TEX9: variants seen among roughly 807,000 people sequenced by gnomAD.
TEX9 encodes the protein testis expressed 9, also known as testis-expressed protein 9.
In TEX9, 74 loss-of-function variants were observed where a neutral mutation model predicts 59.6. That is an observed-to-expected ratio of 1.24 (90% CI 1.03 to 1.51). TEX9 has a LOEUF of 1.51. Among genes scored for constraint, TEX9 ranks in the 40% most tolerant of loss-of-function variants. The pLI is 0.00. For missense variants in TEX9, 522 were observed against 447.8 expected, an observed-to-expected ratio of 1.17 and a Z score of -1.49; for synonymous variants, 186 against 152.2, an observed-to-expected ratio of 1.22 and a Z score of -1.64.
At chr15:56,371,846 T>A (rs2047205705) in intron 2 of TEX9, among the ~76,000 whole-genome samples, 1 of 152,234 alleles carries the variant, frequency 6.6e-6, no homozygotes, top group South Asian at 2.1e-4. Context: ...TTTCTACCTG[T>A]GGTTCTAGTT....
In TEX9 at chr15:56,246,313, G is replaced by A. The variant is rs376620374; in HGVS notation, c.-107+2035G>A. Among the ~76,000 whole-genome samples, 4 of 152,290 alleles carry A rather than the reference G, an allele frequency of 2.6e-5. 1 individual carries two copies. Among genetic ancestry groups the A allele is most frequent in the Admixed American group, 6.5e-5 (1 of 15,292 alleles). On this transcript the variant is annotated intron_variant, in intron 1 of 5. Transcript: ENST00000560827. ...GAGTTGAAGGAGACCAGCAATGGGA[G>A]GGGTGGCAGAGAGTATCAGACTGAG...
At chr15:56,282,806 G>A (rs2044848380) in intron 1 of TEX9, among the ~76,000 whole-genome samples, 1 of 152,048 alleles carries the variant, frequency 6.6e-6, no homozygotes, top group Non-Finnish European at 1.5e-5. Context: ...TGCAAAGTGA[G>A]GGAAATTCAA....
intron 12 of TEX9, chr15:56,428,639 G>A (rs28622888): frequency 0.35 from 164,545 of 464,624 alleles, 30,466 homozygotes; most frequent in Middle Eastern, 0.46. Context: ...AGTTCTTAGC[G>A]TGACAATTAA....
At chr15:56,383,816 T>A in intron 3 of TEX9, 136 bp from the exon 4 acceptor site, 1 of 573,458 alleles carries the variant, frequency 1.7e-6, no homozygotes, top group Non-Finnish European at 3.1e-6. Flanking sequence ...ACTATAGCAT[T>A]TAGAATTCCG....
chr15:56,438,020 C>T (rs1359738455), intron 12 of TEX9, among the ~76,000 whole-genome samples: 2 of 152,042 alleles, frequency 1.3e-5, no homozygotes, highest in African/African-American at 2.4e-5. Context: ...GAATCAATAT[C>T]GTGAAAATGG....
intron 1 of TEX9, among the ~76,000 whole-genome samples, chr15:56,273,654 T>C (rs1488294538): frequency 6.6e-6 from 1 of 152,260 alleles, no homozygotes; most frequent in Non-Finnish European, 1.5e-5. Context: ...TGTTTATTTT[T>C]GTCTGAAAGT....
chr15:56,358,126 C>T (rs1186773642), intron 1 of TEX9, among the ~76,000 whole-genome samples: 1 of 152,162 alleles, frequency 6.6e-6, no homozygotes, highest in Non-Finnish European at 1.5e-5. Context: ...GCACAGAGGT[C>T]TCAGATTCAG....
At chr15:56,288,943 G>A (rs758866475) in intron 1 of TEX9, among the ~76,000 whole-genome samples, 1 of 151,780 alleles carries the variant, frequency 6.6e-6, no homozygotes, top group Non-Finnish European at 1.5e-5. Context: ...CCCCCTTAGT[G>A]CATATTTTCA....
the TEX9 span, among the ~76,000 whole-genome samples, chr15:56,452,426 C>G: frequency 6.6e-6 from 1 of 152,220 alleles, no homozygotes; most frequent in South Asian, 2.1e-4. Context: ...GGGGTGGTAA[C>G]TTAGGCACCC....
intron 10 of TEX9, among the ~76,000 whole-genome samples, chr15:56,414,401 C>A (rs1203907484): frequency 6.6e-6 from 1 of 151,488 alleles, no homozygotes; most frequent in African/African-American, 2.4e-5. Flanking sequence ...TTCCACCTTC[C>A]CCACTTCAAG....
intron 1 of TEX9, among the ~76,000 whole-genome samples, chr15:56,286,994 A>G (rs1023998882): frequency 1.3e-5 from 2 of 152,156 alleles, no homozygotes; most frequent in Non-Finnish European, 2.9e-5. Flanking sequence ...GGGAAATCCA[A>G]TTTGAACAGA....
rs561619928 is a variant in TEX9, at chr15:56,248,103, A to G, written c.-107+3825A>G. Among the ~76,000 whole-genome samples the G allele has an allele frequency of 7.9e-5, 12 of 152,310 alleles. No individual in the cohort carries two copies. The East Asian group carries it at 2.3e-3, about 29-fold the overall frequency. On this transcript the variant is annotated intron_variant, in intron 1 of 5. Coordinates refer to the TEX9 transcript ENST00000560827. ...ATATATATATAAGTTTCAATGCTGT[A>G]ATGTGATTGAGCTTTCTTTCAGTCT...
intron 1 of TEX9, among the ~76,000 whole-genome samples, chr15:56,358,597 A>G (rs774013983): frequency 1.3e-5 from 2 of 152,194 alleles, no homozygotes; most frequent in Non-Finnish European, 2.9e-5. Context: ...CATTACTGAT[A>G]CATTAACTGA....
chr15:56,315,499 A>G (rs1326756775), intron 1 of TEX9, among the ~76,000 whole-genome samples: 1 of 150,310 alleles, frequency 6.7e-6, no homozygotes, highest in Non-Finnish European at 1.5e-5. Flanking sequence ...TCTGGCTTGT[A>G]GGGTTTCTGC....
intron 3 of TEX9, among the ~76,000 whole-genome samples, chr15:56,377,152 C>T (rs539899330): frequency 4.6e-5 from 7 of 152,278 alleles, no homozygotes; most frequent in African/African-American, 1.7e-4. Context: ...GTTTTGGTTA[C>T]TATAGCACCA....
intron 9 of TEX9, among the ~76,000 whole-genome samples, chr15:56,407,993 C>A (rs970534329): frequency 6.6e-6 from 1 of 152,174 alleles, no homozygotes; most frequent in Non-Finnish European, 1.5e-5. Context: ...CTTCCTCTTG[C>A]AAAATCAAAT....
intron 6 of TEX9, among the ~76,000 whole-genome samples, chr15:56,389,767 G>A (rs544079689): frequency 6.6e-6 from 1 of 151,728 alleles, no homozygotes; most frequent in Non-Finnish European, 1.5e-5. Flanking sequence ...TTGACAAAAT[G>A]CATATATTAT....
rs201623840 is a variant in TEX9 at position 56,283,816 on chromosome 15, A to G, written c.-107+39538A>G. ...CATAAACCTGGAAGAAAAAAAAATC[A>G]CAATTAATTTGGTAACGCTGATATA... On this transcript the variant is annotated intron_variant, in intron 1 of 5. Coordinates refer to the TEX9 transcript ENST00000560827. Among the ~76,000 whole-genome samples the G allele has an allele frequency of 2.0e-5, 3 of 152,292 alleles. No homozygotes were observed. The East Asian group carries it at 5.8e-4, about 29-fold the overall frequency.
chr15:56,347,042 A>T (rs773819272), intron 1 of TEX9, among the ~76,000 whole-genome samples: 1 of 152,220 alleles, frequency 6.6e-6, no homozygotes, highest in African/African-American at 2.4e-5. Context: ...TAGGACTTGT[A>T]TGGTGAAATC....
Sources: allele counts gnomAD v4.1 joint callset (sites outside exome capture counted in the v4.1 genomes callset), GRCh38; gene constraint gnomAD v4.1.1; transcripts MANE v1.5; gene names NCBI Gene and HGNC (gene_info 2026-07-23, HGNC 2026-07-21).